PPP1R1C: variants seen among roughly 807,000 people sequenced by gnomAD.
PPP1R1C encodes the protein protein phosphatase 1 regulatory subunit 1C.
In PPP1R1C, 15 loss-of-function variants were observed where a neutral mutation model predicts 17.4. The observed-to-expected ratio is 0.86, with a 90% CI of 0.58 to 1.33. The LOEUF is 1.33. Ranked by LOEUF, PPP1R1C falls within the 40% of genes most tolerant of loss-of-function variation. The probability of loss-of-function intolerance (pLI) is 0.00; values close to 1 mark genes in which losing one functional copy is unlikely to be tolerated. For missense variants in PPP1R1C, 143 were observed against 130.0 expected (o/e 1.10, Z -0.48); for synonymous variants, 35 against 43.1 (o/e 0.81, Z 0.73).
At chr2:181,972,733 G>A (rs538468182) in intron 1 of PPP1R1C, among the ~76,000 whole-genome samples, 101 of 152,270 alleles carry the variant, frequency 6.6e-4, no homozygotes, top group Non-Finnish European at 1.2e-3. Flanking sequence ...TACATGGCCT[G>A]AGGTGCGCCT....
At chr2:182,041,321 G>A (rs1477757985) in intron 2 of PPP1R1C, among the ~76,000 whole-genome samples, 2 of 152,088 alleles carry the variant, frequency 1.3e-5, no homozygotes, top group African/African-American at 4.8e-5. Context: ...ACTAAAAATT[G>A]TTCCAGGCCT....
chr2:182,047,676 A>G (rs1406989051), intron 2 of PPP1R1C, among the ~76,000 whole-genome samples: 3 of 152,202 alleles, frequency 2.0e-5, no homozygotes, highest in Non-Finnish European at 4.4e-5. Context: ...TTTGGCTCTC[A>G]TATAAAATGG....
upstream of PPP1R1C, among the ~76,000 whole-genome samples, chr2:181,981,914 T>C (rs1454429782): frequency 1.3e-5 from 2 of 152,256 alleles, no homozygotes; most frequent in Non-Finnish European, 2.9e-5. Context: ...TTTCTGCTTT[T>C]GTTCATTATT....
At chr2:181,958,837 CA>C (rs1684712619) in intron 1 of PPP1R1C, among the ~76,000 whole-genome samples, 1 of 152,126 alleles carries the variant, frequency 6.6e-6, no homozygotes, top group East Asian at 1.9e-4. Context: ...GTGGAGTATT[CA>C]ATTATATAAC....
rs113219387 is a variant in PPP1R1C, at chr2:182,087,550, G to GT, written c.241+23765dup. On this transcript the variant is annotated intron_variant, in intron 4 of 4. Coordinates refer to ENST00000682840, the MANE Select transcript of PPP1R1C (RefSeq NM_001080545.3). Reference sequence around the variant, plus strand: ...AAACTCCATAAGGTCAGGAATTTTTGTTTTTTGTGTGTGTGCATATTCCAG... The same window carrying GT: ...AAACTCCATAAGGTCAGGAATTTTTGTTTTTTTGTGTGTGTGCATATTCCAG... Among the ~76,000 whole-genome samples, 8 of 152,258 alleles carry GT rather than the reference G, an allele frequency of 5.3e-5. 2 individuals are homozygous for GT. Among genetic ancestry groups the GT allele is most frequent in the African/African-American group, 1.7e-4 (7 of 41,556 alleles).
At chr2:182,087,894 A>C (rs1338968490) in intron 4 of PPP1R1C, among the ~76,000 whole-genome samples, 1 of 152,236 alleles carries the variant, frequency 6.6e-6, no homozygotes, top group Non-Finnish European at 1.5e-5. Context: ...AATGCATAAT[A>C]GTTAATGAGC....
chr2:181,971,169 G>C (rs1286757151), intron 1 of PPP1R1C, among the ~76,000 whole-genome samples: 1 of 152,104 alleles, frequency 6.6e-6, no homozygotes, highest in African/African-American at 2.4e-5. Flanking sequence ...TGACAGCTGG[G>C]AATGTGCTAG....
At position 181,980,062 on chromosome 2, in the gene PPP1R1C, CCTT is replaced by C. The variant is rs369958017; in HGVS notation, n.157+4804_157+4806del. 3.1e-3 allele frequency among the ~76,000 whole-genome samples: 473 copies of C among 152,196 alleles called. 1 individual carries two copies. The highest frequency in any genetic ancestry group is 0.011 in the African/African-American group (446 of 41,532). On this transcript the variant is annotated intron_variant and non_coding_transcript_variant, in intron 2 of 5. Coordinates refer to the PPP1R1C transcript ENST00000464264. ...TGGTGCTTATTTTTATAGGATTCTG[CCTT>C]CTTCTCTCAACTGTATGTTCTTTAG...
intron 2 of PPP1R1C, among the ~76,000 whole-genome samples, chr2:182,061,238 T>G (rs1687840268): frequency 6.6e-6 from 1 of 152,092 alleles, no homozygotes; most frequent in South Asian, 2.1e-4. Context: ...AAGCTTTTTC[T>G]ATACCTTTTT....
At chr2:182,131,007 AT>A (rs1432608578), downstream of PPP1R1C, 2 of 152,196 alleles carry the variant, frequency 1.3e-5, no homozygotes, top group African/African-American at 4.8e-5. Context: ...CCTAAATAAG[AT>A]TTTTCAAAGT....
intron 4 of PPP1R1C, among the ~76,000 whole-genome samples, chr2:182,076,104 G>C (rs1390218778): frequency 6.9e-6 from 1 of 145,396 alleles, no homozygotes; most frequent in Non-Finnish European, 1.5e-5. Flanking sequence ...TTTACTCTGT[G>C]ATTGTAGGAA....
intron 2 of PPP1R1C, among the ~76,000 whole-genome samples, chr2:182,005,710 T>G (rs1343459622): frequency 2.0e-5 from 3 of 152,212 alleles, no homozygotes; most frequent in African/African-American, 7.2e-5. Flanking sequence ...ACTAACCATT[T>G]TCTTATTCTC....
At position 182,081,089 on chromosome 2, in the gene PPP1R1C, T is replaced by G. The variant is rs116117513; in HGVS notation, c.241+17298T>G. On this transcript the variant is annotated intron_variant, in intron 4 of 4. Coordinates refer to ENST00000682840, the MANE Select transcript of PPP1R1C (RefSeq NM_001080545.3). Reference sequence around the variant, plus strand: ...GATGATTAACTTCATTTAAAGCATATTTCCAGGTTTGATTGCATTTTAACA... The same window carrying G: ...GATGATTAACTTCATTTAAAGCATAGTTCCAGGTTTGATTGCATTTTAACA... Among the ~76,000 whole-genome samples the G allele has an allele frequency of 6.6e-4, 100 of 152,340 alleles. 1 individual carries two copies. The highest frequency in any genetic ancestry group is 2.3e-3 in the African/African-American group (96 of 41,582).
chr2:182,042,205 A>G (rs1355835630), intron 2 of PPP1R1C, among the ~76,000 whole-genome samples: 1 of 152,252 alleles, frequency 6.6e-6, no homozygotes, highest in Non-Finnish European at 1.5e-5. Flanking sequence ...AATTTCAATT[A>G]ACATTAAAGA....
chr2:181,955,984 A>G (rs1203668935), intron 1 of PPP1R1C, among the ~76,000 whole-genome samples: 1 of 152,020 alleles, frequency 6.6e-6, no homozygotes, highest in Non-Finnish European at 1.5e-5. Flanking sequence ...GCACCCATCA[A>G]CCCATCATCT....
intron 2 of PPP1R1C, among the ~76,000 whole-genome samples, chr2:181,994,171 T>A (rs933920382): frequency 5.3e-5 from 8 of 152,254 alleles, no homozygotes; most frequent in African/African-American, 1.9e-4. Context: ...AAGATTTTTT[T>A]AAAATAAGCA....
chr2:182,095,861 G>A lies in PPP1R1C; in HGVS notation c.242-21346G>A, dbSNP rs577959517. Among the ~76,000 whole-genome samples, 10 of 152,240 alleles carry A rather than the reference G, an allele frequency of 6.6e-5. No individual in the cohort carries two copies. The East Asian group carries it at 1.9e-3, about 30-fold the overall frequency. On this transcript the variant is annotated intron_variant, in intron 4 of 4. Coordinates refer to ENST00000682840, the MANE Select transcript of PPP1R1C (RefSeq NM_001080545.3). ...ATGGTGGCCTGTGCCTGTAGTCCCA[G>A]CTACTCAGGAAGCTGAAGCAGGAGA...
intron 1 of PPP1R1C, among the ~76,000 whole-genome samples, chr2:181,969,770 C>T (rs750638253): frequency 2.0e-4 from 31 of 152,124 alleles, no homozygotes; most frequent in Admixed American, 2.6e-4. Context: ...TTTTGTAGAT[C>T]TTGTAGGCAT....
upstream of PPP1R1C, among the ~76,000 whole-genome samples, chr2:181,984,810 A>G (rs1421275541): frequency 6.6e-6 from 1 of 152,206 alleles, no homozygotes; most frequent in African/African-American, 2.4e-5. Flanking sequence ...TCTAGTATTC[A>G]TCACATAATG....
Sources: gnomAD v4.1 joint callset for allele counts (sites outside exome capture counted in the v4.1 genomes callset) on GRCh38, gnomAD v4.1.1 for gene constraint, MANE v1.5 for transcripts, NCBI Gene and HGNC (gene_info 2026-07-23, HGNC 2026-07-21) for gene names.